Variants in RBMS3 observed in about 807,000 individuals in gnomAD.
RBMS3 encodes RNA binding motif single stranded interacting protein 3.
A neutral mutation model predicts 66.8 loss-of-function variants in RBMS3; 27 were observed. The observed-to-expected ratio is 0.40, with a 90% CI of 0.30 to 0.56. The LOEUF is 0.56. RBMS3 is among the 20% of genes least tolerant of loss of function. The probability of loss-of-function intolerance (pLI) is 0.40; values close to 1 mark genes in which losing one functional copy is unlikely to be tolerated. For synonymous variants in RBMS3, 188 were observed against 183.0 expected (o/e 1.03, Z -0.22); for missense variants, 513 against 549.5 (o/e 0.93, Z 0.66).
intron 6 of RBMS3, among the ~76,000 whole-genome samples, chr3:29,862,806 A>C (rs937335908): frequency 1.3e-5 from 2 of 151,422 alleles, no homozygotes; most frequent in African/African-American, 4.9e-5. Context: ...ATCCAAGATC[A>C]AGCCACTGCA....
chr3:29,484,332 AGATCAAG>A (rs778024782), intron 2 of RBMS3, among the ~76,000 whole-genome samples: 1 of 152,184 alleles, frequency 6.6e-6, no homozygotes. Context: ...GGGAAATACA[AGATCAAG>A]GTATTGGCAC....
At chr3:29,478,314 T>G (rs1018632005) in intron 2 of RBMS3, among the ~76,000 whole-genome samples, 1 of 152,192 alleles carries the variant, frequency 6.6e-6, no homozygotes, top group East Asian at 1.9e-4. Flanking sequence ...AAGTTCAAGA[T>G]GAAGGCAGCA....
chr3:29,882,678 C>T (rs994910723), intron 7 of RBMS3, among the ~76,000 whole-genome samples: 4 of 152,050 alleles, frequency 2.6e-5, no homozygotes, highest in African/African-American at 7.2e-5. Flanking sequence ...CTATACTGTA[C>T]ATCAGGCCCT....
intron 10 of RBMS3, among the ~76,000 whole-genome samples, chr3:29,900,207 C>A (rs528067440): frequency 5.9e-5 from 9 of 151,626 alleles, no homozygotes; most frequent in Non-Finnish European, 1.2e-4. Flanking sequence ...GCCTTAGGGA[C>A]AATTTGGAGT....
At chr3:29,590,600 C>T (rs550297054) in intron 4 of RBMS3, among the ~76,000 whole-genome samples, 1 of 152,004 alleles carries the variant, frequency 6.6e-6, no homozygotes, top group South Asian at 2.1e-4. Context: ...ATGTTTAACA[C>T]TTATTCTATC....
chr3:29,443,448 G>C (rs2041702154), intron 2 of RBMS3, among the ~76,000 whole-genome samples: 1 of 152,022 alleles, frequency 6.6e-6, no homozygotes, highest in Non-Finnish European at 1.5e-5. Flanking sequence ...ATATGTAAAT[G>C]TCATGAAAAG....
intron 6 of RBMS3, among the ~76,000 whole-genome samples, chr3:29,799,794 T>C (rs1431541055): frequency 1.3e-5 from 2 of 152,174 alleles, no homozygotes; most frequent in African/African-American, 4.8e-5. Context: ...TGTTACTCCT[T>C]GTGATTTATA....
At chr3:29,711,188 A>G (rs2053149966) in intron 4 of RBMS3, among the ~76,000 whole-genome samples, 1 of 152,204 alleles carries the variant, frequency 6.6e-6, no homozygotes, top group African/African-American at 2.4e-5. Flanking sequence ...ACAATAGACT[A>G]TATTAAAAGT....
At chr3:29,639,996 T>C (rs575083993) in intron 4 of RBMS3, among the ~76,000 whole-genome samples, 46 of 151,818 alleles carry the variant, frequency 3.0e-4, no homozygotes, top group Non-Finnish European at 5.6e-4. Context: ...TGAACTCTGA[T>C]ATAATCCCCT....
At chr3:29,837,229 A>G (rs1346184491) in intron 6 of RBMS3, among the ~76,000 whole-genome samples, 2 of 152,112 alleles carry the variant, frequency 1.3e-5, no homozygotes, top group Non-Finnish European at 2.9e-5. Context: ...TGTTGAATAA[A>G]TGTATACCTA....
At chr3:29,294,454 A>G (rs1052277431) in intron 1 of RBMS3, among the ~76,000 whole-genome samples, 2 of 151,108 alleles carry the variant, frequency 1.3e-5, no homozygotes, top group Non-Finnish European at 2.9e-5. Context: ...AAGAAAAAAA[A>G]AACATAGTAC....
chr3:29,295,551 G>T (rs1283335144), intron 1 of RBMS3, among the ~76,000 whole-genome samples: 1 of 151,088 alleles, frequency 6.6e-6, no homozygotes, highest in African/African-American at 2.4e-5. Flanking sequence ...TAATAGTAAG[G>T]TGTGTGTCTT....
chr3:29,934,616 G>A (rs536444677), intron 10 of RBMS3, among the ~76,000 whole-genome samples: 43 of 152,222 alleles, frequency 2.8e-4, no homozygotes, highest in African/African-American at 1.0e-3. Flanking sequence ...GAAGCATCGA[G>A]AAATTCAAAC....
intron 5 of RBMS3, among the ~76,000 whole-genome samples, chr3:29,761,089 T>C (rs977944812): frequency 5.9e-5 from 9 of 152,078 alleles, no homozygotes; most frequent in African/African-American, 2.2e-4. Context: ...GATCCCTTTG[T>C]TAAAACACTG....
In RBMS3 at chr3:29,477,628, A is replaced by T. The variant is rs147301987; in HGVS notation, c.249-10813A>T. 1.6e-3 allele frequency among the ~76,000 whole-genome samples: 248 copies of T among 152,276 alleles called. 2 individuals are homozygous for T. Among genetic ancestry groups the T allele is most frequent in the African/African-American group, 5.8e-3 (239 of 41,560 alleles). On this transcript the variant is annotated intron_variant, in intron 2 of 14. Transcript: ENST00000383767. The stretch of plus-strand genomic sequence containing the variant: ...CCAATTGCCATCTCTAATAATAAAG[A>T]TATGCCCAAAATCCTATTGGATCAT...
At chr3:29,322,845 C>T (rs572457532) in intron 1 of RBMS3, among the ~76,000 whole-genome samples, 5 of 152,200 alleles carry the variant, frequency 3.3e-5, no homozygotes, top group South Asian at 4.1e-4. Flanking sequence ...ACCTCTTAGC[C>T]GTTCAATGAA....
chr3:29,990,792 T>C (rs1250471425), intron 13 of RBMS3, among the ~76,000 whole-genome samples: 1 of 152,188 alleles, frequency 6.6e-6, no homozygotes, highest in African/African-American at 2.4e-5. Context: ...TTATTGTGGA[T>C]AAATGTGCAA....
intron 4 of RBMS3, among the ~76,000 whole-genome samples, chr3:29,592,214 A>C (rs1376830239): frequency 6.6e-6 from 1 of 151,888 alleles, no homozygotes; most frequent in African/African-American, 2.4e-5. Context: ...ACACACACAC[A>C]ATGAATTTAC....
At chr3:29,514,123 T>A (rs2044519790) in intron 3 of RBMS3, among the ~76,000 whole-genome samples, 1 of 152,218 alleles carries the variant, frequency 6.6e-6, no homozygotes, top group African/African-American at 2.4e-5. Flanking sequence ...TATAATAGAT[T>A]GGTAAAACAT....
Sources: gnomAD v4.1 joint callset for allele counts (sites outside exome capture counted in the v4.1 genomes callset) on GRCh38, gnomAD v4.1.1 for gene constraint, MANE v1.5 for transcripts, NCBI Gene and HGNC (gene_info 2026-07-23, HGNC 2026-07-21) for gene names.